Variants in DPF3 observed in about 807,000 individuals in gnomAD.
DPF3 encodes zinc finger protein DPF3.
DPF3 carries 18 observed loss-of-function variants against 56.8 expected under a neutral mutation model. The observed-to-expected ratio is 0.32, with a 90% CI of 0.22 to 0.47. DPF3 has a LOEUF of 0.47. DPF3 is among the 20% of genes least tolerant of loss of function. DPF3 has a pLI of 1.00. For synonymous variants in DPF3, 188 were observed against 180.2 expected (o/e 1.04, Z -0.35); for missense variants, 403 against 488.8 (o/e 0.82, Z 1.65).
At chr14:72,892,301 AG>A (rs1695011508) in intron 1 of DPF3, 2 of 1,535,526 alleles carry the variant, frequency 1.3e-6, no homozygotes, top group Non-Finnish European at 1.7e-6. Context: ...ACCGGCAGCG[AG>A]GATGCGGCGA....
rs1453154335 is a variant in DPF3, at chr14:72,612,288, G to A, written c.*7009C>T. ...CCATCTGCTTTCCCAAATGCCATGTGGACCAGACGCATTGGTGAGCCAGGG... is the reference window on the plus strand; with the variant it reads ...CCATCTGCTTTCCCAAATGCCATGTAGACCAGACGCATTGGTGAGCCAGGG... On this transcript the variant is annotated 3_prime_UTR_variant, in exon 11 of 11. Transcript: ENST00000556509. 6.6e-6 allele frequency among the ~76,000 whole-genome samples: 1 copy of A among 152,144 alleles called. No homozygotes were observed. Among genetic ancestry groups the A allele is most frequent in the South Asian group, 2.1e-4 (1 of 4,818 alleles).
chr14:72,775,441 G>T (rs954350092), intron 1 of DPF3, among the ~76,000 whole-genome samples: 2 of 152,154 alleles, frequency 1.3e-5, no homozygotes, highest in Non-Finnish European at 2.9e-5. Flanking sequence ...GCAAAGTGAG[G>T]TTGGCCAACA....
chr14:72,778,804 A>AT (rs1340863659), intron 1 of DPF3, among the ~76,000 whole-genome samples: 2 of 152,128 alleles, frequency 1.3e-5, no homozygotes, highest in Admixed American at 1.3e-4. Flanking sequence ...TTCCTTCCAC[A>AT]TTTTTTCTTC....
chr14:72,843,071 C>T (rs1860749), intron 1 of DPF3, among the ~76,000 whole-genome samples: 151,119 of 152,342 alleles, frequency 0.99, 74,957 homozygotes, highest in East Asian at 1. Context: ...AGCAATCCAG[C>T]GGACAAGGCT....
rs1402276554 is a variant in DPF3 at position 72,615,478 on chromosome 14, A to G, written c.*3819T>C. Among the ~76,000 whole-genome samples, 1 of 152,248 alleles carries G rather than the reference A, an allele frequency of 6.6e-6. No homozygotes were observed. The highest frequency in any genetic ancestry group is 1.9e-4 in the East Asian group (1 of 5,196). On this transcript the variant is annotated 3_prime_UTR_variant, in exon 11 of 11. Coordinates refer to ENST00000556509, the MANE Select transcript of DPF3 (RefSeq NM_001280542.3). ...GGGCTGTATTCAAAGCACGAATACA[A>G]AAATGCACCAGGAGTGTGCAACCCT...
chr14:72,777,664 G>A (rs1891798885), intron 1 of DPF3, among the ~76,000 whole-genome samples: 1 of 152,184 alleles, frequency 6.6e-6, no homozygotes, highest in Non-Finnish European at 1.5e-5. Context: ...ATGGCTTGGT[G>A]CTGTCTTCGT....
At chr14:72,751,320 T>C (rs1890563886) in intron 3 of DPF3, among the ~76,000 whole-genome samples, 1 of 152,254 alleles carries the variant, frequency 6.6e-6, no homozygotes, top group Non-Finnish European at 1.5e-5. Context: ...TATGGTCATG[T>C]CAGGGTGACA....
chr14:72,639,753 C>G (rs77214655), intron 8 of DPF3, among the ~76,000 whole-genome samples: 1 of 151,984 alleles, frequency 6.6e-6, no homozygotes, highest in South Asian at 2.1e-4. Context: ...GCCAGAGGCA[C>G]CCAGATAAAA....
intron 1 of DPF3, among the ~76,000 whole-genome samples, chr14:72,872,025 C>A (rs910781634): frequency 3.9e-5 from 6 of 152,324 alleles, no homozygotes; most frequent in African/African-American, 1.4e-4. Context: ...GAAGGAAATC[C>A]CAAACCTCAG....
intron 1 of DPF3, among the ~76,000 whole-genome samples, chr14:72,827,943 C>A (rs1005135193): frequency 1.3e-5 from 2 of 151,786 alleles, no homozygotes; most frequent in Admixed American, 6.6e-5. Flanking sequence ...CAGAGCAAGA[C>A]CCTGACTCTT....
intron 1 of DPF3, among the ~76,000 whole-genome samples, chr14:72,815,763 T>C (rs1883256648): frequency 6.6e-6 from 1 of 152,130 alleles, no homozygotes; most frequent in African/African-American, 2.4e-5. Context: ...GTTCTGGAGG[T>C]CAGAACGTCC....
chr14:72,646,978 C>G (rs1167552958), intron 8 of DPF3, among the ~76,000 whole-genome samples: 1 of 152,204 alleles, frequency 6.6e-6, no homozygotes, highest in African/African-American at 2.4e-5. Flanking sequence ...CTTGGAGACC[C>G]TCTGCTGCCA....
At chr14:72,880,878 C>G (rs1047047276) in intron 1 of DPF3, among the ~76,000 whole-genome samples, 7 of 152,214 alleles carry the variant, frequency 4.6e-5, no homozygotes, top group Non-Finnish European at 1.0e-4. Flanking sequence ...TTTCCCACCT[C>G]TAGGGAATAG....
intron 1 of DPF3, among the ~76,000 whole-genome samples, chr14:72,860,741 T>G (rs1186142152): frequency 1.3e-5 from 2 of 151,714 alleles, no homozygotes; most frequent in African/African-American, 4.8e-5. Context: ...AATTTTTGTA[T>G]TTTTATTAGA....
chr14:72,658,806 C>A (rs573014817), intron 8 of DPF3, among the ~76,000 whole-genome samples: 1 of 152,274 alleles, frequency 6.6e-6, no homozygotes, highest in East Asian at 1.9e-4. Context: ...ACAAGGCATG[C>A]CAACCTCAAC....
chr14:72,853,383 A>C (rs1885059840), intron 1 of DPF3: 1 of 151,882 alleles, frequency 6.6e-6, no homozygotes, highest in African/African-American at 2.4e-5. Context: ...AGTTACTCTA[A>C]GATCATCTAT....
intron 1 of DPF3, among the ~76,000 whole-genome samples, chr14:72,827,385 C>T (rs1331047332): frequency 6.6e-6 from 1 of 151,748 alleles, no homozygotes; most frequent in East Asian, 1.9e-4. Flanking sequence ...TTGCTTCCTA[C>T]ACCAACAAGG....
chr14:72,792,932 A>T (rs529494570), intron 1 of DPF3, among the ~76,000 whole-genome samples: 35 of 35,466 alleles, frequency 9.9e-4, no homozygotes, highest in East Asian at 4.1e-3. Flanking sequence ...ATAATAATTT[A>T]AAAAAAAAAA....
At chr14:72,734,700 C>G (rs113459894) in intron 3 of DPF3, among the ~76,000 whole-genome samples, 3,636 of 152,224 alleles carry the variant, frequency 0.024, 127 homozygotes, top group African/African-American at 0.083. Context: ...TTTGTAGATG[C>G]GTCACCCGAG....
Sources: allele counts gnomAD v4.1 joint callset (sites outside exome capture counted in the v4.1 genomes callset), GRCh38; gene constraint gnomAD v4.1.1; transcripts MANE v1.5; gene names NCBI Gene and HGNC (gene_info 2026-07-23, HGNC 2026-07-21).